POLR2F: variants seen among roughly 807,000 people sequenced by gnomAD.
POLR2F encodes DNA-directed RNA polymerases I, II, and III subunit RPABC2.
A neutral mutation model predicts 22.7 loss-of-function variants in POLR2F; 12 were observed. The ratio of observed to expected loss-of-function variants is 0.53; its 90% CI spans 0.34 to 0.86. The LOEUF (loss-of-function observed/expected upper bound fraction) is 0.86. POLR2F is among the 40% of genes least tolerant of loss of function. POLR2F has a pLI of 0.02. For synonymous variants in POLR2F, 57 were observed against 66.0 expected, an observed-to-expected ratio of 0.86 and a Z score of 0.66; for missense variants, 126 against 171.5, an observed-to-expected ratio of 0.73 and a Z score of 1.48.
intron 1 of POLR2F, among the ~76,000 whole-genome samples, chr22:38,014,513 G>A (rs2084899559): frequency 6.6e-6 from 1 of 150,548 alleles, no homozygotes; most frequent in Non-Finnish European, 1.5e-5. Flanking sequence ...ACCACGCCCG[G>A]CTAATTTTTT....
chr22:37,985,818 A>AACACACACACACAC (rs60447362), upstream of POLR2F, among the ~76,000 whole-genome samples: 1 of 144,392 alleles, frequency 6.9e-6, no homozygotes, highest in East Asian at 2.1e-4. Context: ...CAGACACTGG[A>AACACACACACACAC]ACACACACAC....
intron 1 of POLR2F, among the ~76,000 whole-genome samples, chr22:38,007,627 T>C (rs532407722): frequency 3.5e-4 from 54 of 152,272 alleles, no homozygotes; most frequent in African/African-American, 1.3e-3. Context: ...GGCTGGCAGG[T>C]GACAGAGAGG....
intron 1 of POLR2F, among the ~76,000 whole-genome samples, chr22:38,008,027 G>T (rs1188295686): frequency 6.6e-6 from 1 of 151,996 alleles, no homozygotes; most frequent in East Asian, 1.9e-4. Flanking sequence ...ATCACCTGAG[G>T]TCAGGAGTTT....
In POLR2F at chr22:37,999,913, C is replaced by A. The variant is rs138711374; in HGVS notation, c.120+13601C>A. On this transcript the variant is annotated intron_variant, in intron 1 of 2. Coordinates refer to the POLR2F transcript ENST00000333418. ...TTGGAGGGCTGGGCAGCCTCCACTACCCTTGGGCTGGAAGGCACACTGTGC... is the reference window on the plus strand; with the variant it reads ...TTGGAGGGCTGGGCAGCCTCCACTAACCTTGGGCTGGAAGGCACACTGTGC... Among the ~76,000 whole-genome samples, 17 of 152,316 alleles carry A rather than the reference C, an allele frequency of 1.1e-4. No individual in the cohort carries two copies. In the East Asian group the frequency reaches 3.3e-3, roughly 29 times the overall value.
In POLR2F at chr22:37,978,267, G is replaced by A; in HGVS notation, c.293+11097G>A. 2.1e-6 allele frequency: 2 copies of A among 953,842 alleles called. No homozygotes were observed. The highest frequency in any genetic ancestry group is 3.0e-6 in the Non-Finnish European group (2 of 662,914). The allele number at this position is 953,842 out of a possible 1,614,324, so 59.1% of individuals were successfully genotyped here. On this transcript the variant is annotated intron_variant, in intron 4 of 4. Coordinates refer to the POLR2F transcript ENST00000405557. This position sits in a 1 kb window ranked among gnomAD's most constrained non-coding sequence, Gnocchi z 5.0. ...CTGGGATGGGGCACCCAGAGGACAG[G>A]ACCCGGGGTGGGGGCTGTGCCCTAT...
At chr22:38,020,749 C>T (rs1249749150) in intron 1 of POLR2F, among the ~76,000 whole-genome samples, 2 of 151,504 alleles carry the variant, frequency 1.3e-5, no homozygotes, top group African/African-American at 4.8e-5. Context: ...AAAAAAAAAA[C>T]ACCAAAACAC....
At chr22:38,009,545 T>C (rs1300940075) in intron 1 of POLR2F, among the ~76,000 whole-genome samples, 1 of 152,158 alleles carries the variant, frequency 6.6e-6, no homozygotes, top group African/African-American at 2.4e-5. Flanking sequence ...AAACTGCACA[T>C]ATTGAAAAGG....
Position 37,954,881 on chromosome 22 carries a change from A to G in POLR2F, c.20+1074A>G, listed in dbSNP as rs950875834. 2.0e-5 allele frequency among the ~76,000 whole-genome samples: 3 copies of G among 152,094 alleles called. No homozygotes were observed. The East Asian group carries it at 5.8e-4, about 29-fold the overall frequency. ...GGACATTGAGTGCTTGGGGGAAAAGAGAAGCCGGGGAGGTGGGGGAACACC... is the reference window on the plus strand; with the variant it reads ...GGACATTGAGTGCTTGGGGGAAAAGGGAAGCCGGGGAGGTGGGGGAACACC... On this transcript the variant is annotated intron_variant, in intron 1 of 4. Coordinates refer to ENST00000442738, the MANE Select transcript of POLR2F (RefSeq NM_021974.5).
At position 37,956,862 on chromosome 22, in the gene POLR2F, C is replaced by A; in HGVS notation, c.90+20C>A. The A allele has an allele frequency of 1.3e-6, 2 of 1,590,850 alleles. No individual in the cohort carries two copies. The highest frequency in any genetic ancestry group is 1.7e-6 in the Non-Finnish European group (2 of 1,158,680). ...GAAGAGGTCAGTATTCAGCCTCAGGCTCCCACCTCTGCAGCCCAAGCTGCC... is the reference window on the plus strand; with the variant it reads ...GAAGAGGTCAGTATTCAGCCTCAGGATCCCACCTCTGCAGCCCAAGCTGCC... On this transcript the variant is annotated intron_variant, in intron 2 of 4. Transcript: ENST00000442738.
chr22:38,013,014 G>A (rs1411123188), intron 1 of POLR2F, among the ~76,000 whole-genome samples: 1 of 152,208 alleles, frequency 6.6e-6, no homozygotes, highest in Non-Finnish European at 1.5e-5. Context: ...AGATGGAAAT[G>A]AAGCTGCACC....
intron 5 of POLR2F, chr22:38,041,058 T>C (rs750693889): frequency 2.5e-6 from 4 of 1,612,938 alleles, no homozygotes; most frequent in Non-Finnish European, 2.5e-6. Flanking sequence ...ATCCCTGTGT[T>C]ATTTTCCAGG....
At chr22:38,033,355 C>A (rs797008467) in intron 5 of POLR2F, among the ~76,000 whole-genome samples, 4 of 152,104 alleles carry the variant, frequency 2.6e-5, no homozygotes, top group Non-Finnish European at 5.9e-5. Context: ...TTGTCCAGGG[C>A]GGCCTGCTAG....
chr22:38,025,543 C>A (rs751603060), intron 1 of POLR2F: 12 of 1,446,658 alleles, frequency 8.3e-6, no homozygotes, highest in Non-Finnish European at 5.5e-6. Context: ...CCTCGTTTGC[C>A]TGTCCACGCC....
At position 37,968,233 on chromosome 22, in the gene POLR2F, CGTG is replaced by C; in HGVS notation, c.*520_*522del. 3.0e-6 allele frequency: 3 copies of C among 985,508 alleles called. No individual in the cohort carries two copies. Among genetic ancestry groups the C allele is most frequent in the Non-Finnish European group, 3.6e-6 (3 of 829,996 alleles). The allele number at this position is 985,508 out of a possible 1,614,324, so 61.0% of individuals were successfully genotyped here. ...TCAGGAGCAGTGCCCCAGCAGGAAG[CGTG>C]GGGGTGTGCTGATCTCCCACCCTCC... On this transcript the variant is annotated 3_prime_UTR_variant, in exon 5 of 5. Transcript: ENST00000442738.
chr22:38,027,593 C>T (rs2145827481), downstream of POLR2F, among the ~76,000 whole-genome samples: 3 of 152,234 alleles, frequency 2.0e-5, no homozygotes, highest in South Asian at 6.2e-4. Context: ...GTCACAGCTC[C>T]CGATCCTCCT....
intron 3 of POLR2F, among the ~76,000 whole-genome samples, chr22:37,965,092 C>T (rs1931801041): frequency 6.6e-6 from 1 of 152,154 alleles, no homozygotes; most frequent in African/African-American, 2.4e-5. Flanking sequence ...CTGCAACCTT[C>T]ACCTCCTGGT....
At chr22:38,040,289 A>AAAAG in intron 5 of POLR2F, 1 of 149,952 alleles carries the variant, frequency 6.7e-6, no homozygotes, top group South Asian at 2.1e-4. Flanking sequence ...TCTCAAAAAA[A>AAAAG]AAAAAAAAAA....
At chr22:38,038,049 A>G (rs1224775465) in intron 5 of POLR2F, among the ~76,000 whole-genome samples, 1 of 151,814 alleles carries the variant, frequency 6.6e-6, no homozygotes, top group Non-Finnish European at 1.5e-5. Flanking sequence ...CTTTTAGAAC[A>G]ACTTGCCTAT....
In POLR2F at chr22:38,020,431, A is replaced by ATTT. The variant is rs753386178; in HGVS notation, c.121-5421_121-5419dup. 3.1e-3 allele frequency among the ~76,000 whole-genome samples: 402 copies of ATTT among 128,432 alleles called. 5 individuals are homozygous for ATTT. Among genetic ancestry groups the ATTT allele is most frequent in the African/African-American group, 0.011 (369 of 34,188 alleles). The allele number at this position is 128,432 out of a possible 152,430, so 84.3% of individuals were successfully genotyped here. On this transcript the variant is annotated intron_variant, in intron 1 of 2. Coordinates refer to the POLR2F transcript ENST00000333418. Reference sequence around the variant, plus strand: ...AGGTGTGCACCACCACACCTGGCTAATTTTTTTTTTTTTTTTTTTGTATTT... The same window carrying ATTT: ...AGGTGTGCACCACCACACCTGGCTAATTTTTTTTTTTTTTTTTTTTTTGTATTT...
Sources: gnomAD v4.1 joint callset for allele counts (sites outside exome capture counted in the v4.1 genomes callset) on GRCh38, gnomAD v4.1.1 for gene constraint, Gnocchi (gnomAD v3.1) non-coding constraint, MANE v1.5 for transcripts, NCBI Gene and HGNC (gene_info 2026-07-23, HGNC 2026-07-21) for gene names.